Variants in DCAF1 observed in about 807,000 individuals in gnomAD.
DCAF1 encodes DDB1- and CUL4-associated factor 1.
Under a neutral mutation model 128.0 loss-of-function variants are expected in DCAF1, and 15 were observed. The observed-to-expected ratio is 0.12, with a 90% confidence interval of 0.08 to 0.18. The LOEUF is 0.18. Among genes scored for constraint, DCAF1 ranks in the 10% least tolerant of loss-of-function variants. The probability of loss-of-function intolerance (pLI) is 1.00; values close to 1 mark genes in which losing one functional copy is unlikely to be tolerated. For missense variants in DCAF1, 988 were observed against 1,649.5 expected, an observed-to-expected ratio of 0.60 and a Z score of 6.95; for synonymous variants, 610 against 603.0, an observed-to-expected ratio of 1.01 and a Z score of -0.17.
intron 10 of DCAF1, among the ~76,000 whole-genome samples, chr3:51,431,336 G>A (rs1377951932): frequency 2.0e-5 from 3 of 150,784 alleles, no homozygotes; most frequent in Non-Finnish European, 4.4e-5. Context: ...TAGCCAACAT[G>A]GTAAAACCCC....
At chr3:51,451,734 C>A (rs1204315595) in intron 6 of DCAF1, among the ~76,000 whole-genome samples, 2 of 150,610 alleles carry the variant, frequency 1.3e-5, no homozygotes, top group Non-Finnish European at 2.9e-5. Context: ...TGCACTCCAG[C>A]CTGGGCAACA....
Position 51,423,845 on chromosome 3 carries a change from G to T in DCAF1, c.1848-1414C>A, listed in dbSNP as rs147009638. ...AAAAAAAAAAAAAAAAAGAAAGAAA[G>T]AAATAATCAGAAGAATTTATGTATT... On this transcript the variant is annotated intron_variant, in intron 13 of 24. Coordinates refer to ENST00000684031, the MANE Select transcript of DCAF1 (RefSeq NM_001387579.1). Among the ~76,000 whole-genome samples, 899 of 147,938 alleles carry T rather than the reference G, an allele frequency of 6.1e-3. 5 individuals are homozygous for T. The highest frequency in any genetic ancestry group is 0.01 in the Non-Finnish European group (692 of 66,902).
At chr3:51,492,505 A>C (rs1191818100) in intron 2 of DCAF1, among the ~76,000 whole-genome samples, 1 of 152,098 alleles carries the variant, frequency 6.6e-6, no homozygotes, top group Admixed American at 6.6e-5. Context: ...AAAAGGAGTG[A>C]GACTTTGTCT....
At chr3:51,501,432 T>C (rs1553664255), upstream of DCAF1, among the ~76,000 whole-genome samples, 1 of 152,146 alleles carries the variant, frequency 6.6e-6, no homozygotes, top group Admixed American at 6.5e-5. Flanking sequence ...GACAAGATCC[T>C]ACCCAGCGTT....
At chr3:51,494,499 G>C (rs1708025318) in intron 2 of DCAF1, among the ~76,000 whole-genome samples, 1 of 152,110 alleles carries the variant, frequency 6.6e-6, no homozygotes, top group Non-Finnish European at 1.5e-5. Context: ...AAACGCCACT[G>C]ATTTGTACAC....
intron 6 of DCAF1, among the ~76,000 whole-genome samples, chr3:51,454,778 A>G (rs544195533): frequency 6.6e-6 from 1 of 151,702 alleles, no homozygotes; most frequent in East Asian, 1.9e-4. Flanking sequence ...GGTTCACACC[A>G]TTCTCCTGCC....
At chr3:51,424,214 A>G (rs1032768980) in intron 13 of DCAF1, among the ~76,000 whole-genome samples, 1 of 152,082 alleles carries the variant, frequency 6.6e-6, no homozygotes, top group African/African-American at 2.4e-5. Flanking sequence ...AGCCTGGCCA[A>G]TATGGTGAAA....
At chr3:51,476,978 G>A (rs574978189) in intron 3 of DCAF1, among the ~76,000 whole-genome samples, 5 of 151,620 alleles carry the variant, frequency 3.3e-5, no homozygotes, top group African/African-American at 1.2e-4. Context: ...CAGCTACTTG[G>A]GAGACTGAGG....
chr3:51,444,918 G>GC (rs1376896093), intron 6 of DCAF1, among the ~76,000 whole-genome samples: 4 of 151,456 alleles, frequency 2.6e-5, no homozygotes, highest in Admixed American at 6.6e-5. Context: ...CTCGTGATCC[G>GC]CCCCCCTTGG....
At chr3:51,469,606 T>G (rs1553647792) in intron 4 of DCAF1, among the ~76,000 whole-genome samples, 1 of 152,140 alleles carries the variant, frequency 6.6e-6, no homozygotes, top group Non-Finnish European at 1.5e-5. Context: ...ATGCATGACT[T>G]CAGCTTTGCC....
At chr3:51,463,076 T>C (rs1553645148) in intron 6 of DCAF1, 38 bp downstream of exon 6, 3 of 1,410,304 alleles carry the variant, frequency 2.1e-6, no homozygotes, top group Middle Eastern at 3.6e-4. Flanking sequence ...ATAATTCAAT[T>C]ACAAAATAAA....
intron 3 of DCAF1, among the ~76,000 whole-genome samples, chr3:51,482,431 CCT>C (rs1258333294): frequency 6.7e-6 from 1 of 149,958 alleles, no homozygotes; most frequent in African/African-American, 2.5e-5. Context: ...AGAGTGAGAC[CCT>C]GTCTCCAAAA....
At chr3:51,484,240 G>T (rs1475791616) in intron 2 of DCAF1, among the ~76,000 whole-genome samples, 1 of 151,758 alleles carries the variant, frequency 6.6e-6, no homozygotes, top group African/African-American at 2.4e-5. Flanking sequence ...TGGGAGGCTG[G>T]GGCAGGTGGA....
At chr3:51,413,641 C>T (rs1553629338) in intron 20 of DCAF1, among the ~76,000 whole-genome samples, 1 of 152,190 alleles carries the variant, frequency 6.6e-6, no homozygotes, top group Non-Finnish European at 1.5e-5. Context: ...ACTTACAAGG[C>T]TTATAACAAC....
chr3:51,480,756 C>T (rs1320569679), intron 3 of DCAF1, among the ~76,000 whole-genome samples: 1 of 152,096 alleles, frequency 6.6e-6, no homozygotes, highest in East Asian at 1.9e-4. Flanking sequence ...GCACCAAACC[C>T]AGCACCCCTT....
intron 9 of DCAF1, 50 bp downstream of exon 9, chr3:51,440,920 A>C (rs1701302656): frequency 8.1e-6 from 12 of 1,487,840 alleles, no homozygotes; most frequent in Admixed American, 2.1e-5. Flanking sequence ...TTAAAAAAAA[A>C]CAAAGTTTTT....
intron 2 of DCAF1, among the ~76,000 whole-genome samples, chr3:51,488,116 C>T (rs969616856): frequency 1.3e-5 from 2 of 151,974 alleles, no homozygotes; most frequent in Admixed American, 1.3e-4. Flanking sequence ...CCGCCTGCCT[C>T]GGCATCCCAA....
At chr3:51,405,113 G>T (rs915435824) in intron 23 of DCAF1, among the ~76,000 whole-genome samples, 4 of 152,208 alleles carry the variant, frequency 2.6e-5, no homozygotes, top group African/African-American at 9.7e-5. Flanking sequence ...AAGTAAGGAA[G>T]AAAGTACCCA....
intron 4 of DCAF1, among the ~76,000 whole-genome samples, chr3:51,470,029 AT>A (rs1317056138): frequency 6.6e-6 from 1 of 152,096 alleles, no homozygotes; most frequent in African/African-American, 2.4e-5. Flanking sequence ...TCAAAAAAAA[AT>A]AATAATAATA....
Sources: gnomAD v4.1 joint callset for allele counts (sites outside exome capture counted in the v4.1 genomes callset) on GRCh38, gnomAD v4.1.1 for gene constraint, MANE v1.5 for transcripts, NCBI Gene and HGNC (gene_info 2026-07-23, HGNC 2026-07-21) for gene names.